ALDH1A1: variants seen among roughly 807,000 people sequenced by gnomAD.
ALDH1A1 encodes the protein aldehyde dehydrogenase 1A1.
ALDH1A1 carries 19 observed loss-of-function variants against 62.1 expected under a neutral mutation model. The observed-to-expected ratio is 0.31, with a 90% CI of 0.21 to 0.45. ALDH1A1 has a LOEUF of 0.45. ALDH1A1 is among the 20% of genes least tolerant of loss of function. ALDH1A1 has a pLI of 1.00. For synonymous variants in ALDH1A1, 231 were observed against 215.9 expected (o/e 1.07, Z -0.61); for missense variants, 521 against 607.1 (o/e 0.86, Z 1.49).
intron 2 of ALDH1A1, among the ~76,000 whole-genome samples, chr9:72,936,825 G>T (rs1025682351): frequency 1.6e-4 from 25 of 151,922 alleles, no homozygotes; most frequent in African/African-American, 6.1e-4. Context: ...TTTGACCCCT[G>T]TTAAATGTTA....
chr9:72,929,166 G>C, intron 3 of ALDH1A1, 145 bp from the exon 4 acceptor site: 1 of 901,124 alleles, frequency 1.1e-6, no homozygotes, highest in Non-Finnish European at 1.6e-6. Flanking sequence ...CTTTTTAAGA[G>C]TTAAAATGAC....
chr9:72,929,043 A>G, intron 3 of ALDH1A1, 22 bp from the exon 4 acceptor site: 1 of 1,546,138 alleles, frequency 6.5e-7, no homozygotes, highest in Non-Finnish European at 8.7e-7. Flanking sequence ...GTCAAACACC[A>G]AATCTAAAAT....
chr9:72,949,734 C>G (rs1830518458), intron 1 of ALDH1A1, among the ~76,000 whole-genome samples: 1 of 150,286 alleles, frequency 6.7e-6, no homozygotes, highest in Non-Finnish European at 1.5e-5. Flanking sequence ...GTAGCATGAA[C>G]AAACCATGGT....
At chr9:72,914,791 T>A (rs891486328) in intron 9 of ALDH1A1, among the ~76,000 whole-genome samples, 1 of 152,076 alleles carries the variant, frequency 6.6e-6, no homozygotes, top group Non-Finnish European at 1.5e-5. Flanking sequence ...AATGTTCAAA[T>A]TTTTTTAAAC....
At chr9:72,941,977 G>T (rs1352884705) in intron 1 of ALDH1A1, among the ~76,000 whole-genome samples, 1 of 152,066 alleles carries the variant, frequency 6.6e-6, no homozygotes, top group Non-Finnish European at 1.5e-5. Context: ...CATATATGGG[G>T]AAATGAGAAA....
At chr9:72,951,260 C>T (rs1160795259) in intron 1 of ALDH1A1, among the ~76,000 whole-genome samples, 1 of 151,820 alleles carries the variant, frequency 6.6e-6, no homozygotes, top group Non-Finnish European at 1.5e-5. Flanking sequence ...AATCATCTCT[C>T]TGTGTTAAGG....
intron 5 of ALDH1A1, among the ~76,000 whole-genome samples, chr9:72,926,052 T>C (rs1830200994): frequency 6.6e-6 from 1 of 152,214 alleles, no homozygotes; most frequent in Non-Finnish European, 1.5e-5. Context: ...GACAAAGATG[T>C]CCAGGGTCCA....
Position 72,917,092 on chromosome 9 carries a change from A to G in ALDH1A1, c.863T>C (p.Val288Ala), listed in dbSNP as rs2118508983. 1 of 1,602,302 alleles carries G rather than the reference A, an allele frequency of 6.2e-7. No homozygotes were observed. Among genetic ancestry groups the G allele is most frequent in the Non-Finnish European group, 8.5e-7 (1 of 1,173,860 alleles). ...GAATACCCCATGGTGTGCAAATTCA[A>G]CAGCATTGTCCACTGCGAAGAAGAC... Reference protein sequence around the residue: ...VLADADLDNAVEFAHHGVFYH... With the variant: ...VLADADLDNAAEFAHHGVFYH... Residue 288 changes from valine to alanine, a missense_variant, in exon 9 of 13, where the codon GTT becomes GCT. By Grantham distance (64) the Val-to-Ala change is moderately conservative. Coordinates refer to ENST00000297785, the MANE Select transcript of ALDH1A1 (RefSeq NM_000689.5).
chr9:72,908,545 AAAG>A (rs1482067235), intron 11 of ALDH1A1, among the ~76,000 whole-genome samples: 1 of 63,468 alleles, frequency 1.6e-5, no homozygotes, highest in Non-Finnish European at 3.3e-5. Flanking sequence ...GAAAGAAAGA[AAAG>A]AAAGAAGAAA....
intron 2 of ALDH1A1, among the ~76,000 whole-genome samples, chr9:72,931,372 T>C (rs1830280228): frequency 6.6e-6 from 1 of 152,214 alleles, no homozygotes; most frequent in Non-Finnish European, 1.5e-5. Flanking sequence ...ATGGCACAAA[T>C]ATGTTCCCTG....
At chr9:72,911,005 T>C (rs946755224) in intron 10 of ALDH1A1, among the ~76,000 whole-genome samples, 1 of 152,186 alleles carries the variant, frequency 6.6e-6, no homozygotes, top group African/African-American at 2.4e-5. Context: ...GTTTCCTTAA[T>C]TGAAGATTTT....
intron 2 of ALDH1A1, among the ~76,000 whole-genome samples, chr9:72,937,497 T>A (rs1830359657): frequency 6.6e-6 from 1 of 152,204 alleles, no homozygotes; most frequent in South Asian, 2.1e-4. Context: ...GCTCTATATA[T>A]TTAACTCCTC....
Position 72,925,621 on chromosome 9 carries a change from C to T in ALDH1A1, c.505-9G>A, listed in dbSNP as rs1830195315. On this transcript the variant is annotated splice_polypyrimidine_tract_variant and intron_variant, in intron 5 of 12. Coordinates refer to ENST00000297785, the MANE Select transcript of ALDH1A1 (RefSeq NM_000689.5). ...ACCAACGGGAAATTCCACTAGAAAG[C>T]AATATGTAACAATAGATTCTTTGTA... The T allele has an allele frequency of 8.1e-6, 13 of 1,608,558 alleles. No individual in the cohort carries two copies. The highest frequency in any genetic ancestry group is 1.1e-5 in the Non-Finnish European group (13 of 1,178,280).
At chr9:72,916,010 T>C (rs769838830) in intron 9 of ALDH1A1, among the ~76,000 whole-genome samples, 5 of 152,200 alleles carry the variant, frequency 3.3e-5, no homozygotes, top group Admixed American at 6.5e-5. Context: ...TTCTCGGCAG[T>C]TGTCCTGTTG....
At chr9:72,942,452 C>T in intron 1 of ALDH1A1, 1 of 852,006 alleles carries the variant, frequency 1.2e-6, no homozygotes, top group South Asian at 5.4e-5. Context: ...TTTTGTATCA[C>T]TTTGTTCTAT....
intron 2 of ALDH1A1, among the ~76,000 whole-genome samples, chr9:72,938,002 G>A (rs890290493): frequency 1.5e-4 from 23 of 152,012 alleles, no homozygotes; most frequent in Admixed American, 3.9e-4. Context: ...TCTGAACCAA[G>A]GGCCTCTCCT....
chr9:72,950,600 A>G (rs1309986298), intron 1 of ALDH1A1, among the ~76,000 whole-genome samples: 2 of 151,914 alleles, frequency 1.3e-5, no homozygotes, highest in Non-Finnish European at 1.5e-5. Flanking sequence ...GGTGAAAAGC[A>G]GTCCCAAGCT....
At chr9:72,930,522 AT>A (rs1830267731) in intron 3 of ALDH1A1, among the ~76,000 whole-genome samples, 1 of 152,160 alleles carries the variant, frequency 6.6e-6, no homozygotes, top group Non-Finnish European at 1.5e-5. Context: ...CAGTGGTCAA[AT>A]GCTTGAATAA....
intron 6 of ALDH1A1, 49 bp from the exon 7 acceptor site, chr9:72,924,181 A>G (rs758334971): frequency 7.2e-7 from 1 of 1,380,886 alleles, no homozygotes; most frequent in Non-Finnish European, 1.0e-6. Context: ...TTAATTCAAA[A>G]AGGAGGAGAG....
Sources: gnomAD v4.1 joint callset for allele counts (sites outside exome capture counted in the v4.1 genomes callset) on GRCh38, gnomAD v4.1.1 for gene constraint, MANE v1.5 for transcripts, NCBI Gene and HGNC (gene_info 2026-07-23, HGNC 2026-07-21) for gene names.